GALNT13: variants seen among roughly 807,000 people sequenced by gnomAD.
GALNT13 encodes UDP-GalNAc:polypeptide N-acetylgalactosaminyltransferase 13.
GALNT13 carries 28 observed loss-of-function variants against 64.2 expected under a neutral mutation model. The observed-to-expected ratio is 0.44, with a 90% CI of 0.32 to 0.60. The LOEUF is 0.60. Among genes scored for constraint, GALNT13 ranks in the 20% least tolerant of loss-of-function variants. The pLI, the probability that GALNT13 is intolerant of heterozygous loss-of-function variation, is 0.05. For missense variants in GALNT13, 577 were observed against 669.8 expected (o/e 0.86, Z 1.53); for synonymous variants, 214 against 224.6 (o/e 0.95, Z 0.42).
the GALNT13 span, among the ~76,000 whole-genome samples, chr2:153,529,717 G>A: frequency 6.6e-6 from 1 of 151,832 alleles, no homozygotes; most frequent in African/African-American, 2.4e-5. Context: ...CGATCAAGTG[G>A]GATTTGTCAC....
At chr2:153,447,140 G>T in the GALNT13 span, among the ~76,000 whole-genome samples, 2 of 152,100 alleles carry the variant, frequency 1.3e-5, no homozygotes, top group Non-Finnish European at 2.9e-5. Flanking sequence ...AAACCTAACT[G>T]CAAGCGTAAA....
chr2:153,924,075 G>A (rs889447754), intron 2 of GALNT13, among the ~76,000 whole-genome samples: 3 of 151,914 alleles, frequency 2.0e-5, no homozygotes, highest in African/African-American at 2.4e-5. Flanking sequence ...TTTAAATTCA[G>A]GGGTACATGT....
the GALNT13 span, among the ~76,000 whole-genome samples, chr2:153,364,871 T>A: frequency 1.3e-5 from 2 of 151,952 alleles, no homozygotes; most frequent in Non-Finnish European, 2.9e-5. Flanking sequence ...TCTTGAAATG[T>A]CACATAATTA....
the GALNT13 span, among the ~76,000 whole-genome samples, chr2:153,161,797 T>C: frequency 6.6e-6 from 1 of 152,184 alleles, no homozygotes; most frequent in African/African-American, 2.4e-5. Context: ...TTTCCACTTT[T>C]GCCTTGCCAT....
intron 3 of GALNT13, among the ~76,000 whole-genome samples, chr2:154,051,794 A>G (rs1045363061): frequency 6.6e-6 from 1 of 152,214 alleles, no homozygotes; most frequent in Non-Finnish European, 1.5e-5. Flanking sequence ...AATTCACTCC[A>G]GCATGTGAGC....
chr2:154,398,853 T>C (rs554149087), intron 10 of GALNT13, among the ~76,000 whole-genome samples: 1 of 152,350 alleles, frequency 6.6e-6, no homozygotes, highest in Non-Finnish European at 1.5e-5. Context: ...ATTGATTTCC[T>C]ATGCCAACAG....
the GALNT13 span, among the ~76,000 whole-genome samples, chr2:153,794,704 A>G: frequency 6.6e-6 from 1 of 152,090 alleles, no homozygotes; most frequent in Non-Finnish European, 1.5e-5. Flanking sequence ...TATTTTTAGT[A>G]CAGACGTGGT....
At chr2:153,403,512 C>A in the GALNT13 span, among the ~76,000 whole-genome samples, 30 of 152,202 alleles carry the variant, frequency 2.0e-4, no homozygotes, top group Non-Finnish European at 3.7e-4. Context: ...CAAAGGCGGG[C>A]GCCCCTCCCC....
intron 3 of GALNT13, among the ~76,000 whole-genome samples, chr2:154,080,276 A>T (rs1481777548): frequency 1.3e-5 from 2 of 151,552 alleles, no homozygotes; most frequent in Non-Finnish European, 3.0e-5. Flanking sequence ...CCCACTGTTG[A>T]TCAAATAAAG....
chr2:153,545,534 G>A, the GALNT13 span, among the ~76,000 whole-genome samples: 1 of 152,170 alleles, frequency 6.6e-6, no homozygotes, highest in Non-Finnish European at 1.5e-5. Flanking sequence ...CTGTACCCTG[G>A]CTGCTTCTAC....
chr2:154,329,822 CCTT>C (rs914541743), intron 9 of GALNT13, among the ~76,000 whole-genome samples: 37 of 152,112 alleles, frequency 2.4e-4, no homozygotes, highest in African/African-American at 8.2e-4. Context: ...CTGCCTCTTT[CCTT>C]CTTTCTCTCT....
At chr2:153,340,624 C>T in the GALNT13 span, among the ~76,000 whole-genome samples, 1 of 150,270 alleles carries the variant, frequency 6.7e-6, no homozygotes, top group African/African-American at 2.5e-5. Flanking sequence ...CAACGCACTC[C>T]AGCCTGGGCA....
the GALNT13 span, among the ~76,000 whole-genome samples, chr2:153,833,468 C>T: frequency 3.9e-5 from 6 of 152,066 alleles, no homozygotes; most frequent in Non-Finnish European, 8.8e-5. Context: ...CTAAGATCTA[C>T]GGTAAGAACA....
chr2:153,720,354 A>T, the GALNT13 span, among the ~76,000 whole-genome samples: 2 of 150,050 alleles, frequency 1.3e-5, no homozygotes, highest in African/African-American at 4.9e-5. Flanking sequence ...AACCACAAAG[A>T]TGGGGAAAAA....
chr2:154,344,540 T>C (rs1437312172), intron 9 of GALNT13, among the ~76,000 whole-genome samples: 1 of 147,984 alleles, frequency 6.8e-6, no homozygotes, highest in African/African-American at 2.4e-5. Context: ...CAAAAGACCC[T>C]GTGATGTAAG....
chr2:153,746,464 G>A, the GALNT13 span, among the ~76,000 whole-genome samples: 2 of 152,224 alleles, frequency 1.3e-5, no homozygotes, highest in African/African-American at 4.8e-5. Flanking sequence ...CACCTGTAAT[G>A]TTAAAGAGAT....
chr2:153,721,559 G>A, the GALNT13 span, among the ~76,000 whole-genome samples: 1 of 149,256 alleles, frequency 6.7e-6, no homozygotes, highest in Non-Finnish European at 1.5e-5. Flanking sequence ...CTGTATTCAG[G>A]AAACCCATCT....
intron 9 of GALNT13, among the ~76,000 whole-genome samples, chr2:154,316,187 T>C (rs1469592207): frequency 6.6e-6 from 1 of 152,208 alleles, no homozygotes; most frequent in African/African-American, 2.4e-5. Context: ...CTATTATTAT[T>C]ACTGAAAGGT....
At chr2:153,759,578 C>T in the GALNT13 span, among the ~76,000 whole-genome samples, 44 of 152,150 alleles carry the variant, frequency 2.9e-4, no homozygotes, top group African/African-American at 1.0e-3. Context: ...GGTTTTTGCC[C>T]TTCATTCTAT....
Sources: allele counts gnomAD v4.1 joint callset (sites outside exome capture counted in the v4.1 genomes callset), GRCh38; gene constraint gnomAD v4.1.1; transcripts MANE v1.5; gene names NCBI Gene and HGNC (gene_info 2026-07-23, HGNC 2026-07-21).